Variants in ADAM2 observed in about 807,000 individuals in gnomAD.
The protein encoded by ADAM2 is ADAM metallopeptidase domain 2.
ADAM2 carries 101 observed loss-of-function variants against 99.3 expected under a neutral mutation model. That is an observed-to-expected ratio of 1.02 (90% CI 0.87 to 1.20). ADAM2 has a LOEUF of 1.20. ADAM2 is among the 50% of genes most tolerant of loss of function. The pLI, the probability that ADAM2 is intolerant of heterozygous loss-of-function variation, is 0.00. For missense variants in ADAM2, 948 were observed against 878.7 expected, an observed-to-expected ratio of 1.08 and a Z score of -1.00; for synonymous variants, 323 against 287.6, an observed-to-expected ratio of 1.12 and a Z score of -1.25.
At chr8:39,762,740 C>T (rs1376559304) in intron 14 of ADAM2, among the ~76,000 whole-genome samples, 1 of 152,172 alleles carries the variant, frequency 6.6e-6, no homozygotes, top group South Asian at 2.1e-4. Context: ...AATTTCTATT[C>T]TGCCCTTTTA....
At chr8:39,798,043 C>T (rs999509592) in intron 7 of ADAM2, among the ~76,000 whole-genome samples, 2 of 152,234 alleles carry the variant, frequency 1.3e-5, no homozygotes, top group Non-Finnish European at 2.9e-5. Flanking sequence ...TTTCTCTTGC[C>T]TGATGGCCCT....
At position 39,837,472 on chromosome 8, in the gene ADAM2, C is replaced by T. The variant is rs543570831; in HGVS notation, c.56-260G>A. 5.4e-4 allele frequency among the ~76,000 whole-genome samples: 82 copies of T among 152,038 alleles called. 2 individuals are homozygous for T. The highest frequency in any genetic ancestry group is 4.2e-3 in the South Asian group (20 of 4,816). ...TGAGATCTCTGCTCACTGCAACCTC[C>T]GCCTCCCGGTTTCAAGCGATTCCCC... On this transcript the variant is annotated intron_variant, in intron 1 of 20. Transcript: ENST00000265708.
chr8:39,815,068 A>G (rs1208202761), intron 6 of ADAM2, among the ~76,000 whole-genome samples: 4 of 152,030 alleles, frequency 2.6e-5, no homozygotes, highest in Non-Finnish European at 5.9e-5. Flanking sequence ...CAAAAAGCCA[A>G]TTTAACAATG....
chr8:39,821,384 G>A (rs963316002), intron 5 of ADAM2, among the ~76,000 whole-genome samples: 2 of 152,090 alleles, frequency 1.3e-5, no homozygotes, highest in African/African-American at 4.8e-5. Flanking sequence ...AATATTTCAT[G>A]GCTTCCAAAT....
At chr8:39,833,470 T>G (rs983614470) in intron 3 of ADAM2, among the ~76,000 whole-genome samples, 2 of 152,086 alleles carry the variant, frequency 1.3e-5, no homozygotes, top group African/African-American at 4.8e-5. Context: ...TTCCCCAAAT[T>G]CATCAACTGG....
intron 7 of ADAM2, among the ~76,000 whole-genome samples, chr8:39,803,881 T>C (rs1174376228): frequency 6.6e-6 from 1 of 152,186 alleles, no homozygotes; most frequent in Non-Finnish European, 1.5e-5. Flanking sequence ...GTTTTTAATA[T>C]GGGAGAATAC....
chr8:39,834,472 C>A (rs1222968477), intron 2 of ADAM2, among the ~76,000 whole-genome samples: 2 of 152,096 alleles, frequency 1.3e-5, no homozygotes, highest in African/African-American at 4.8e-5. Context: ...GAAAACCTCA[C>A]GCCTATTATC....
At chr8:39,789,483 A>G (rs145010617) in intron 7 of ADAM2, among the ~76,000 whole-genome samples, 7 of 151,828 alleles carry the variant, frequency 4.6e-5, no homozygotes, top group African/African-American at 1.7e-4. Flanking sequence ...ATTATTCAGA[A>G]TGTCCATAAC....
chr8:39,755,631 A>G, intron 16 of ADAM2, 97 bp downstream of exon 16: 1 of 868,504 alleles, frequency 1.2e-6, no homozygotes, highest in Non-Finnish European at 1.8e-6. Context: ...CAGAGATCAC[A>G]CCACTGCACT....
intron 7 of ADAM2, among the ~76,000 whole-genome samples, chr8:39,800,203 T>G (rs1804142901): frequency 6.6e-6 from 1 of 152,130 alleles, no homozygotes; most frequent in Non-Finnish European, 1.5e-5. Flanking sequence ...TTCAGGAGCT[T>G]TTGCAGGACA....
In ADAM2 at chr8:39,809,450, G is replaced by T; in HGVS notation, c.530C>A (p.Ala177Glu). ...LQSVEPQQDF[A>E]KYIEMHVIVE... is the part of the protein sequence containing the mutation. ...TATAACATGCATTTCTATATACTTT[G>T]CAAAATCTTGCTGTGGCTGAAAAAA... The change falls in exon 7 of 21, where the codon GCA becomes GAA. Residue 177 changes from alanine to glutamate, a missense_variant. By Grantham distance (107) the Ala-to-Glu change is moderately radical. Coordinates refer to ENST00000265708, the MANE Select transcript of ADAM2 (RefSeq NM_001464.5). 4.2e-6 allele frequency: 6 copies of T among 1,425,462 alleles called. No individual in the cohort carries two copies. Among genetic ancestry groups the T allele is most frequent in the Admixed American group, 1.9e-5 (1 of 53,180 alleles). 88.3% of individuals were successfully genotyped at this position (1,425,462 alleles called of 1,614,324 possible). A position where few individuals can be genotyped will look rare whatever the true frequency, so the allele number is the denominator to read the frequency against.
intron 6 of ADAM2, among the ~76,000 whole-genome samples, chr8:39,816,011 G>A (rs935755847): frequency 6.6e-6 from 1 of 152,024 alleles, no homozygotes; most frequent in African/African-American, 2.4e-5. Flanking sequence ...AAAATGTGGA[G>A]GAGGTCAGGC....
At chr8:39,800,260 C>G (rs1432327833) in intron 7 of ADAM2, among the ~76,000 whole-genome samples, 1 of 151,974 alleles carries the variant, frequency 6.6e-6, no homozygotes, top group Non-Finnish European at 1.5e-5. Context: ...TCTGGAAAGA[C>G]TTTTATTTCT....
chr8:39,785,796 T>TA (rs58429092), intron 10 of ADAM2, among the ~76,000 whole-genome samples: 1,244 of 122,502 alleles, frequency 0.01, 10 homozygotes, highest in Middle Eastern at 0.014. Context: ...CTGTCTCAAA[T>TA]AAAAAAAAAA....
At chr8:39,791,792 C>G (rs1444927428) in intron 7 of ADAM2, among the ~76,000 whole-genome samples, 1 of 152,000 alleles carries the variant, frequency 6.6e-6, no homozygotes, top group African/African-American at 2.4e-5. Context: ...TTGTTTCTCT[C>G]CTCCTTGTTT....
intron 7 of ADAM2, among the ~76,000 whole-genome samples, chr8:39,801,648 G>C (rs1804215991): frequency 6.6e-6 from 1 of 152,114 alleles, no homozygotes; most frequent in Non-Finnish European, 1.5e-5. Flanking sequence ...ACAGAGACTG[G>C]GGCCGCCCCT....
At chr8:39,749,527 A>G (rs946279938) in intron 17 of ADAM2, 77 bp from the exon 18 acceptor site, 23 of 1,527,840 alleles carry the variant, frequency 1.5e-5, no homozygotes, top group Admixed American at 3.5e-5. Context: ...ATAAAATAAT[A>G]TGTAGGTCAG....
At chr8:39,832,303 T>C (rs1805650308) in intron 3 of ADAM2, among the ~76,000 whole-genome samples, 1 of 152,130 alleles carries the variant, frequency 6.6e-6, no homozygotes, top group African/African-American at 2.4e-5. Flanking sequence ...TCACCCTGAG[T>C]GTCTATAAAC....
intron 10 of ADAM2, among the ~76,000 whole-genome samples, chr8:39,781,068 G>A (rs1368868289): frequency 6.6e-6 from 1 of 151,456 alleles, no homozygotes; most frequent in African/African-American, 2.4e-5. Context: ...GAGTGCAGTG[G>A]CGCCATCTTG....
Sources: allele counts gnomAD v4.1 joint callset (sites outside exome capture counted in the v4.1 genomes callset), GRCh38; gene constraint gnomAD v4.1.1; transcripts MANE v1.5; gene names NCBI Gene and HGNC (gene_info 2026-07-23, HGNC 2026-07-21).